TCP11L2: variants seen among roughly 807,000 people sequenced by gnomAD.
TCP11L2 encodes t-complex 11 like 2.
Under a neutral mutation model 50.7 loss-of-function variants are expected in TCP11L2, and 39 were observed. That is an observed-to-expected ratio of 0.77 (90% CI 0.60 to 1.01). TCP11L2 has a LOEUF of 1.01. Ranked by LOEUF, TCP11L2 falls within the 50% of genes least tolerant of loss-of-function variation. The pLI, the probability that TCP11L2 is intolerant of heterozygous loss-of-function variation, is 0.00. For missense variants in TCP11L2, 612 were observed against 614.7 expected (o/e 1.00, Z 0.05); for synonymous variants, 192 against 219.3 (o/e 0.88, Z 1.10).
chr12:106,313,061 C>T (rs2034921454), intron 2 of TCP11L2, among the ~76,000 whole-genome samples: 1 of 152,146 alleles, frequency 6.6e-6, no homozygotes, highest in South Asian at 2.1e-4. Context: ...CTATTTCCTA[C>T]TGAGAAGTAA....
intron 8 of TCP11L2, among the ~76,000 whole-genome samples, chr12:106,340,505 A>C (rs917588890): frequency 2.0e-5 from 3 of 152,228 alleles, no homozygotes; most frequent in African/African-American, 7.2e-5. Flanking sequence ...TTAAGAAGTA[A>C]ATTGGTGTTT....
In TCP11L2 at chr12:106,312,231, GATTA is replaced by G. The variant is rs565455249; in HGVS notation, c.157+1002_157+1005del. On this transcript the variant is annotated intron_variant, in intron 2 of 9. Coordinates refer to ENST00000299045, the MANE Select transcript of TCP11L2 (RefSeq NM_152772.3). ...TGAATGTACGGTAAAATTAACCATT[GATTA>G]ATCACTGGACATTTAGTTTCCATTT... 4.6e-3 allele frequency: 1,877 copies of G among 405,784 alleles called. 10 individuals are homozygous for G. The highest frequency in any genetic ancestry group is 7.2e-3 in the Non-Finnish European group (1,526 of 212,612). 25.1% of individuals were successfully genotyped at this position (405,784 alleles called of 1,614,324 possible).
intron 4 of TCP11L2, among the ~76,000 whole-genome samples, chr12:106,319,081 T>G (rs1316650793): frequency 1.3e-5 from 2 of 151,582 alleles, no homozygotes; most frequent in East Asian, 1.9e-4. Flanking sequence ...CCAGCTAATT[T>G]TTTGTATTTT....
chr12:106,344,580 A>G (rs2036179467), intron 9 of TCP11L2, among the ~76,000 whole-genome samples: 1 of 152,250 alleles, frequency 6.6e-6, no homozygotes, highest in South Asian at 2.1e-4. Context: ...ATTCTAAGAC[A>G]TAGACATTGG....
chr12:106,321,817 AC>A (rs1436509906), intron 5 of TCP11L2, 111 bp downstream of exon 5: 20 of 828,032 alleles, frequency 2.4e-5, no homozygotes, highest in Admixed American at 2.3e-4. Flanking sequence ...TAAATTACTG[AC>A]CCTAGAAGAA....
intron 6 of TCP11L2, among the ~76,000 whole-genome samples, chr12:106,330,854 T>C (rs1296651070): frequency 6.6e-6 from 1 of 152,200 alleles, no homozygotes; most frequent in Non-Finnish European, 1.5e-5. Context: ...TTGTTTGTCA[T>C]AGAAACTGCT....
chr12:106,328,873 A>T (rs899328535), intron 6 of TCP11L2, among the ~76,000 whole-genome samples: 4 of 152,150 alleles, frequency 2.6e-5, no homozygotes, highest in Admixed American at 1.3e-4. Context: ...TGGGCTGTAA[A>T]CGTAGGCCAT....
chr12:106,317,885 A>G (rs1196843192), intron 3 of TCP11L2, among the ~76,000 whole-genome samples: 1 of 152,234 alleles, frequency 6.6e-6, no homozygotes, highest in African/African-American at 2.4e-5. Flanking sequence ...CTAACTTTAA[A>G]TGGGACACCT....
At chr12:106,340,727 G>C in intron 8 of TCP11L2, 99 bp from the exon 9 acceptor site, 1 of 1,020,340 alleles carries the variant, frequency 9.8e-7, no homozygotes, top group Non-Finnish European at 1.4e-6. Flanking sequence ...GTCTGTATAA[G>C]AGAAATTTGG....
Position 106,336,141 on chromosome 12 carries a change from C to A in TCP11L2, c.1070C>A (p.Thr357Lys). Residue 357 changes from threonine to lysine, a missense_variant, in exon 8 of 10, where the codon ACA becomes AAA. Thr to Lys is a moderately conservative substitution (Grantham distance 78). Transcript: ENST00000299045. ...ACCAACAACATGGTGGGTGCTATTA[C>A]AGGAGGCCTGCCTGAGCTTGCAAGC... ...LITNNMVGAI[T>K]GGLPELASRL... The A allele has an allele frequency of 6.2e-7, 1 of 1,613,936 alleles. No individual in the cohort carries two copies. Among genetic ancestry groups the A allele is most frequent in the Non-Finnish European group, 8.5e-7 (1 of 1,179,962 alleles).
chr12:106,344,836 A>G (rs2036185654), intron 9 of TCP11L2, among the ~76,000 whole-genome samples: 2 of 152,160 alleles, frequency 1.3e-5, no homozygotes, highest in African/African-American at 4.8e-5. Context: ...CCTGATTTCC[A>G]TATGCATTTC....
At chr12:106,313,192 G>A (rs1277057942) in intron 2 of TCP11L2, among the ~76,000 whole-genome samples, 2 of 152,174 alleles carry the variant, frequency 1.3e-5, no homozygotes, top group African/African-American at 4.8e-5. Flanking sequence ...ACCCTGTGAG[G>A]AGGAAGGCTA....
chr12:106,313,745 C>T (rs1432811960), intron 2 of TCP11L2, among the ~76,000 whole-genome samples: 2 of 148,438 alleles, frequency 1.3e-5, no homozygotes, highest in African/African-American at 5.0e-5. Flanking sequence ...TCAATGGGCA[C>T]TAAAAATGAG....
At chr12:106,319,378 TTC>T (rs1465970140) in intron 4 of TCP11L2, among the ~76,000 whole-genome samples, 1 of 152,230 alleles carries the variant, frequency 6.6e-6, no homozygotes, top group Non-Finnish European at 1.5e-5. Flanking sequence ...TAGCAGTTTT[TTC>T]CCCCCAAAGA....
intron 6 of TCP11L2, among the ~76,000 whole-genome samples, chr12:106,332,820 C>T (rs1236216747): frequency 6.6e-6 from 1 of 152,216 alleles, no homozygotes; most frequent in Non-Finnish European, 1.5e-5. Flanking sequence ...AAGTCTCCAT[C>T]TCCAAATGTC....
intron 3 of TCP11L2, among the ~76,000 whole-genome samples, chr12:106,317,684 C>T (rs917653727): frequency 1.1e-4 from 17 of 151,962 alleles, no homozygotes; most frequent in African/African-American, 3.1e-4. Flanking sequence ...GAAAGAGCCT[C>T]GTCAGTAATT....
intron 6 of TCP11L2, chr12:106,329,578 C>T: frequency 7.2e-7 from 1 of 1,392,804 alleles, no homozygotes; most frequent in Non-Finnish European, 9.3e-7. Context: ...TCAAAGTCTC[C>T]AGGAGCTGTG....
chr12:106,321,654 G>A lies in TCP11L2; in HGVS notation c.583G>A (p.Asp195Asn), dbSNP rs759414837. The change falls in exon 5 of 10, where the codon GAT (aspartate) becomes AAT (asparagine). Residue 195 changes from aspartate to asparagine, a missense_variant. Physicochemically the swap from Asp to Asn is conservative, Grantham distance 23. Transcript: ENST00000299045. ...GGGAAAGCTGTGTGCTCCCGTGCGA[G>A]ATAATGATATCAGAGAGTTAAAGGC... is the stretch of plus-strand genomic sequence containing the variant. ...TMGKLCAPVRDNDIRELKATG... is the reference protein window; with the variant it reads ...TMGKLCAPVRNNDIRELKATG... The A allele has an allele frequency of 6.2e-7, 1 of 1,614,206 alleles. No individual in the cohort carries two copies. The highest frequency in any genetic ancestry group is 8.5e-7 in the Non-Finnish European group (1 of 1,180,040).
rs147138489 is a variant in TCP11L2 at position 106,322,251 on chromosome 12, T to C, written c.635+545T>C. Among the ~76,000 whole-genome samples the C allele has an allele frequency of 3.3e-4, 50 of 152,290 alleles. 1 individual carries two copies. In the East Asian group the frequency reaches 9.3e-3, roughly 28 times the overall value. ...CCCAGCCTCCTCCTGTGCTTGGCTC[T>C]ACCCTTGCTCAGGTCCTTACAGTCC... On this transcript the variant is annotated intron_variant, in intron 5 of 9. Transcript: ENST00000299045.
Sources: allele counts gnomAD v4.1 joint callset (sites outside exome capture counted in the v4.1 genomes callset), GRCh38; gene constraint gnomAD v4.1.1; transcripts MANE v1.5; gene names NCBI Gene and HGNC (gene_info 2026-07-23, HGNC 2026-07-21).